Variants in KCNG2 observed in about 807,000 individuals in gnomAD.
The protein encoded by KCNG2 is voltage-gated potassium channel regulatory subunit KCNG2.
A neutral mutation model predicts 12.3 loss-of-function variants in KCNG2; 7 were observed. The observed-to-expected ratio is 0.57, with a 90% CI of 0.32 to 1.07. KCNG2 has a LOEUF of 1.07. Ranked by LOEUF, KCNG2 falls within the 50% of genes least tolerant of loss-of-function variation. KCNG2 has a pLI of 0.04. For missense variants in KCNG2, 703 were observed against 726.0 expected (o/e 0.97, Z 0.36); for synonymous variants, 414 against 351.4 (o/e 1.18, Z -1.99).
At chr18:79,802,653 A>C (rs887562337) in intron 1 of KCNG2, among the ~76,000 whole-genome samples, 2 of 151,650 alleles carry the variant, frequency 1.3e-5, no homozygotes, top group African/African-American at 4.8e-5. Context: ...AGCCACCCCC[A>C]ACCTGGCAGA....
intron 3 of KCNG2, among the ~76,000 whole-genome samples, chr18:79,873,635 G>A (rs1171018240): frequency 5.3e-5 from 8 of 152,170 alleles, no homozygotes; most frequent in Non-Finnish European, 8.8e-5. Context: ...GGACGGGAGC[G>A]TTTTCCTGGG....
chr18:79,868,050 C>A (rs1175816995), intron 3 of KCNG2, among the ~76,000 whole-genome samples: 1 of 152,222 alleles, frequency 6.6e-6, no homozygotes, highest in South Asian at 2.1e-4. Flanking sequence ...AGGTCCTGAT[C>A]GTGCTTCCAA....
chr18:79,893,506 T>A (rs1980825813), intron 3 of KCNG2, among the ~76,000 whole-genome samples: 2 of 152,176 alleles, frequency 1.3e-5, no homozygotes, highest in Admixed American at 1.3e-4. Context: ...TGCTTTTGAT[T>A]GCGTTCTTCA....
chr18:79,818,306 G>A (rs758905227), intron 1 of KCNG2, among the ~76,000 whole-genome samples: 11 of 152,230 alleles, frequency 7.2e-5, no homozygotes, highest in Non-Finnish European at 1.3e-4. Context: ...GGTCACACTC[G>A]GGTGAGGAGC....
intron 3 of KCNG2, among the ~76,000 whole-genome samples, chr18:79,876,711 G>C (rs1320069061): frequency 6.6e-6 from 1 of 152,238 alleles, no homozygotes; most frequent in Non-Finnish European, 1.5e-5. Context: ...CCTTGGCACC[G>C]TGAGCACTTG....
At chr18:79,861,273 C>CT (rs56348625) in intron 2 of KCNG2, among the ~76,000 whole-genome samples, 92 of 76,960 alleles carry the variant, frequency 1.2e-3, no homozygotes, top group African/African-American at 3.5e-3. Flanking sequence ...CTCTCTCTCT[C>CT]TTTTTTTTTT....
chr18:79,858,519 C>T (rs1405690706), intron 2 of KCNG2, among the ~76,000 whole-genome samples: 1 of 152,224 alleles, frequency 6.6e-6, no homozygotes, highest in Non-Finnish European at 1.5e-5. Flanking sequence ...AGTAATGCCA[C>T]TGTGAACATT....
At chr18:79,843,236 ATAT>A in intron 1 of KCNG2, among the ~76,000 whole-genome samples, 1 of 152,334 alleles carries the variant, frequency 6.6e-6, no homozygotes, top group East Asian at 1.9e-4. Flanking sequence ...TCAACCAAGA[ATAT>A]TATACTCGGC....
intron 3 of KCNG2, among the ~76,000 whole-genome samples, chr18:79,891,785 G>T (rs1271898614): frequency 6.6e-6 from 1 of 152,090 alleles, no homozygotes; most frequent in East Asian, 1.9e-4. Context: ...CTATGGCCTG[G>T]TATATGTCCT....
chr18:79,856,615 T>C lies in KCNG2; in HGVS notation c.-41+163T>C, dbSNP rs4548945. Among the ~76,000 whole-genome samples, 89 of 152,276 alleles carry C rather than the reference T, an allele frequency of 5.8e-4. 1 individual carries two copies. Among genetic ancestry groups the C allele is most frequent in the African/African-American group, 2.0e-3 (85 of 41,546 alleles). On this transcript the variant is annotated intron_variant, in intron 2 of 3. Transcript: ENST00000316249. ...GACACACACCTGTCAAAGGCATGCC[T>C]CACAGGCAGCCCAGAACTCAGGCGC...
At chr18:79,806,570 T>C (rs1002915821) in intron 1 of KCNG2, among the ~76,000 whole-genome samples, 1 of 152,232 alleles carries the variant, frequency 6.6e-6, no homozygotes, top group Admixed American at 6.5e-5. Flanking sequence ...GAAAGCACTT[T>C]AGAATGAGAG....
At chr18:79,877,483 C>T (rs909841058) in intron 3 of KCNG2, among the ~76,000 whole-genome samples, 3 of 152,300 alleles carry the variant, frequency 2.0e-5, no homozygotes, top group Non-Finnish European at 1.5e-5. Flanking sequence ...ACAGGAAAAT[C>T]GCGAGCTGCG....
At chr18:79,832,974 C>T (rs1198496937) in intron 1 of KCNG2, among the ~76,000 whole-genome samples, 2 of 152,200 alleles carry the variant, frequency 1.3e-5, no homozygotes, top group Non-Finnish European at 2.9e-5. Context: ...GGGCTGCACC[C>T]AGTCTCCAAG....
chr18:79,811,356 T>C (rs931964926), intron 1 of KCNG2, among the ~76,000 whole-genome samples: 4 of 152,236 alleles, frequency 2.6e-5, no homozygotes, highest in Non-Finnish European at 5.9e-5. Flanking sequence ...AATAGTGTGG[T>C]ATTGGCATAA....
intron 1 of KCNG2, chr18:79,816,061 A>G (rs1009936987): frequency 2.0e-5 from 3 of 152,228 alleles, no homozygotes; most frequent in Non-Finnish European, 4.4e-5. Context: ...ACTAATTGGA[A>G]CATTGCTTTT....
intron 1 of KCNG2, among the ~76,000 whole-genome samples, chr18:79,829,099 C>T (rs558393568): frequency 5.1e-5 from 5 of 97,516 alleles, no homozygotes; most frequent in African/African-American, 1.2e-4. Context: ...TCTATGTGTG[C>T]GTGTGTGTAA....
At chr18:79,885,820 G>T in intron 3 of KCNG2, among the ~76,000 whole-genome samples, 1 of 149,376 alleles carries the variant, frequency 6.7e-6, no homozygotes, top group South Asian at 2.2e-4. Flanking sequence ...TAGGGACGTG[G>T]GGACGGGGAC....
At chr18:79,842,062 A>G (rs1978475994) in intron 1 of KCNG2, among the ~76,000 whole-genome samples, 1 of 152,168 alleles carries the variant, frequency 6.6e-6, no homozygotes, top group Non-Finnish European at 1.5e-5. Context: ...CCAGGACTGC[A>G]GCTACAGGCC....
intron 1 of KCNG2, among the ~76,000 whole-genome samples, chr18:79,846,723 T>C (rs537129948): frequency 1.3e-5 from 2 of 152,366 alleles, no homozygotes; most frequent in East Asian, 3.9e-4. Context: ...CATTGTATTT[T>C]AGACAGTTCT....
Sources: allele counts gnomAD v4.1 joint callset (sites outside exome capture counted in the v4.1 genomes callset), GRCh38; gene constraint gnomAD v4.1.1; transcripts MANE v1.5; gene names NCBI Gene and HGNC (gene_info 2026-07-23, HGNC 2026-07-21).